PFKL: variants seen among roughly 807,000 people sequenced by gnomAD.
PFKL encodes the protein ATP-dependent 6-phosphofructokinase, liver type.
In PFKL, 74 loss-of-function variants were observed where a neutral mutation model predicts 92.1. The ratio of observed to expected loss-of-function variants is 0.80; its 90% CI spans 0.67 to 0.97. The LOEUF (loss-of-function observed/expected upper bound fraction) is 0.97, where lower values mean the gene tolerates loss of function less well. Ranked by LOEUF, PFKL falls within the 50% of genes least tolerant of loss-of-function variation. The pLI is 0.00. For synonymous variants in PFKL, 494 were observed against 456.4 expected (o/e 1.08, Z -1.05); for missense variants, 1,028 against 1,116.6 (o/e 0.92, Z 1.13).
rs565455136 is a variant in PFKL at position 44,324,356 on chromosome 21, G to A, written c.1651-135G>A. The A allele has an allele frequency of 1.0e-3, 881 of 884,804 alleles. 4 individuals are homozygous for A. The highest frequency in any genetic ancestry group is 1.9e-3 in the Admixed American group (77 of 40,136). 54.8% of individuals were successfully genotyped at this position (884,804 alleles called of 1,614,324 possible). A position where few individuals can be genotyped will look rare whatever the true frequency, so the allele number is the denominator to read the frequency against. ...CAGGTGGGAGGTGGGCCCAAGCCTGGTGCTGCTGGCTGTCTGGGTGCGTCA... is the reference window on the plus strand; with the variant it reads ...CAGGTGGGAGGTGGGCCCAAGCCTGATGCTGCTGGCTGTCTGGGTGCGTCA... On this transcript the variant is annotated intron_variant, in intron 16 of 21. Coordinates refer to ENST00000349048, the MANE Select transcript of PFKL (RefSeq NM_002626.6).
chr21:44,301,240 C>T (rs975989248), intron 1 of PFKL, among the ~76,000 whole-genome samples: 13 of 152,192 alleles, frequency 8.5e-5, no homozygotes, highest in African/African-American at 3.1e-4. Context: ...CTGTCTGAAC[C>T]CCGGCCTGCA....
chr21:44,326,050 T>C lies in PFKL; in HGVS notation c.2079T>C (p.Val693=). 6.2e-7 allele frequency: 1 copy of C among 1,613,644 alleles called. No individual in the cohort carries two copies. The highest frequency in any genetic ancestry group is 2.2e-5 in the East Asian group (1 of 44,870). Residue 693 remains valine, a synonymous_variant, in exon 20 of 22, where the codon GTT becomes GTC. Coordinates refer to ENST00000349048, the MANE Select transcript of PFKL (RefSeq NM_002626.6). ...MLWLSEKLRE[V]YRKGRVFANA... ...GGTTGTCGGAGAAGCTGCGCGAGGT[T>C]TACCGCAAGGGTAGGTGGTGGGTGC...
intron 9 of PFKL, 119 bp from the exon 10 acceptor site, chr21:44,318,351 G>A: frequency 8.7e-7 from 1 of 1,144,200 alleles, no homozygotes; most frequent in Non-Finnish European, 1.2e-6. Context: ...ACCTGTTCTG[G>A]AAGCTTCCGT....
In PFKL at chr21:44,306,668, C is replaced by T. The variant is rs1339259719; in HGVS notation, c.86-13C>T. ...TCAGCGTGGGACTGACAGGTTTGCC[C>T]TGACCTCCACAGGCATGAACGCTGC... On this transcript the variant is annotated splice_polypyrimidine_tract_variant and intron_variant, in intron 1 of 21. Transcript: ENST00000349048. 1.2e-6 allele frequency: 2 copies of T among 1,612,200 alleles called. No homozygotes were observed. Among genetic ancestry groups the T allele is most frequent in the East Asian group, 2.2e-5 (1 of 44,856 alleles).
intron 8 of PFKL, 40 bp from the exon 9 acceptor site, chr21:44,316,392 G>A: frequency 1.2e-6 from 2 of 1,611,952 alleles, no homozygotes; most frequent in Non-Finnish European, 1.7e-6. Flanking sequence ...TAGGCCGTGT[G>A]GGCTGGGGCT....
chr21:44,311,426 G>A (rs1395269874), intron 3 of PFKL, among the ~76,000 whole-genome samples: 2 of 151,790 alleles, frequency 1.3e-5, no homozygotes, highest in Admixed American at 1.3e-4. Context: ...AGATACACAT[G>A]GATAGACACA....
At chr21:44,326,634 G>C (rs927234292) in intron 21 of PFKL, 81 bp from the exon 22 acceptor site, 31 of 1,409,014 alleles carry the variant, frequency 2.2e-5, no homozygotes, top group African/African-American at 4.3e-5. Flanking sequence ...GGGTCGGGGG[G>C]GGTGGGGGGG....
rs747125040 is a variant in PFKL at position 44,325,504 on chromosome 21, G to A, written c.1989+240G>A. On this transcript the variant is annotated intron_variant, in intron 19 of 21. Coordinates refer to ENST00000349048, the MANE Select transcript of PFKL (RefSeq NM_002626.6). Reference sequence around the variant, plus strand: ...AGCCAGGGCATTCACATGCTGAGCCGAGCTCCCCACCCCTGCCAGGCCTCC... The same window carrying A: ...AGCCAGGGCATTCACATGCTGAGCCAAGCTCCCCACCCCTGCCAGGCCTCC... The A allele has an allele frequency of 3.5e-5, 20 of 570,998 alleles. 1 individual carries two copies. Among genetic ancestry groups the A allele is most frequent in the East Asian group, 1.5e-4 (5 of 34,470 alleles). The allele number at this position is 570,998 out of a possible 1,614,324, so 35.4% of individuals were successfully genotyped here.
In PFKL at chr21:44,319,957, C is replaced by T. The variant is rs2047316109; in HGVS notation, c.1128-127C>T. The stretch of plus-strand genomic sequence containing the variant: ...TGCCTGGCATGCGCGGTGTCTGCTG[C>T]CTCATGGCTGAGCTTCCATCGGGCC... On this transcript the variant is annotated intron_variant, in intron 11 of 21. Transcript: ENST00000349048. 3 of 807,920 alleles carry T rather than the reference C, an allele frequency of 3.7e-6. No individual in the cohort carries two copies. The Admixed American group carries it at 5.6e-5, about 15-fold the overall frequency. 50.0% of individuals were successfully genotyped at this position (807,920 alleles called of 1,614,324 possible).
At chr21:44,309,755 A>G (rs2041061605) in intron 2 of PFKL, among the ~76,000 whole-genome samples, 1 of 152,150 alleles carries the variant, frequency 6.6e-6, no homozygotes, top group Non-Finnish European at 1.5e-5. Flanking sequence ...TGGTACAACC[A>G]GAGGGGGCCA....
chr21:44,326,403 G>T (rs530763447), intron 21 of PFKL, 139 bp downstream of exon 21: 16 of 702,332 alleles, frequency 2.3e-5, no homozygotes, highest in Non-Finnish European at 3.9e-5. Context: ...CCAGGTCCCC[G>T]CCAGGCCGTG....
At chr21:44,325,300 C>T (rs373999865) in intron 19 of PFKL, 36 bp downstream of exon 19, 11 of 1,362,314 alleles carry the variant, frequency 8.1e-6, no homozygotes, top group African/African-American at 2.9e-5. Flanking sequence ...GAGGCCTGCC[C>T]CTCTTTCCTG....
chr21:44,311,976 G>A, intron 3 of PFKL, 129 bp from the exon 4 acceptor site: 1 of 677,850 alleles, frequency 1.5e-6, no homozygotes, highest in Non-Finnish European at 2.3e-6. Flanking sequence ...AGAGACCCCG[G>A]GGCTTCTGCC....
At chr21:44,313,617 C>A (rs371835252) in intron 5 of PFKL, 21 bp from the exon 6 acceptor site, 7 of 1,608,332 alleles carry the variant, frequency 4.4e-6, no homozygotes, top group Non-Finnish European at 5.9e-6. Flanking sequence ...ACTGATGCAT[C>A]CTCCTGTTCC....
chr21:44,302,256 G>A (rs1310882421), intron 1 of PFKL, among the ~76,000 whole-genome samples: 1 of 152,252 alleles, frequency 6.6e-6, no homozygotes, highest in African/African-American at 2.4e-5. Flanking sequence ...CCGTGCAGCT[G>A]CAGCGTCTCT....
At chr21:44,319,314 G>C in intron 10 of PFKL, 37 bp from the exon 11 acceptor site, 1 of 1,573,164 alleles carries the variant, frequency 6.4e-7, no homozygotes, top group South Asian at 1.1e-5. Flanking sequence ...TGCGGGCCAG[G>C]CTCTCCATAG....
chr21:44,301,282 G>A (rs1326719480), intron 1 of PFKL, among the ~76,000 whole-genome samples: 1 of 152,194 alleles, frequency 6.6e-6, no homozygotes, highest in African/African-American at 2.4e-5. Context: ...GCTGAGCCAG[G>A]CCTGTGGTGG....
chr21:44,304,262 T>G (rs1280304647), intron 1 of PFKL: 1 of 1,289,028 alleles, frequency 7.8e-7, no homozygotes. Flanking sequence ...TGGGGCCCCT[T>G]TGCCGTTCCC....
intron 11 of PFKL, 63 bp downstream of exon 11, chr21:44,319,478 T>A: frequency 7.2e-7 from 1 of 1,386,654 alleles, no homozygotes; most frequent in Non-Finnish European, 1.0e-6. Context: ...AGGCAGCATG[T>A]GCTGCAGTGG....
Sources: gnomAD v4.1 joint callset for allele counts (sites outside exome capture counted in the v4.1 genomes callset) on GRCh38, gnomAD v4.1.1 for gene constraint, MANE v1.5 for transcripts, NCBI Gene and HGNC (gene_info 2026-07-23, HGNC 2026-07-21) for gene names.